Variants in ASIC2 observed in about 807,000 individuals in gnomAD.
The protein encoded by ASIC2 is acid-sensing ion channel 2.
Under a neutral mutation model 57.3 loss-of-function variants are expected in ASIC2, and 25 were observed. The ratio of observed to expected loss-of-function variants is 0.44; its 90% CI spans 0.32 to 0.61. The LOEUF (loss-of-function observed/expected upper bound fraction) is 0.61, where lower values mean the gene tolerates loss of function less well. Ranked by LOEUF, ASIC2 falls within the 20% of genes least tolerant of loss-of-function variation. ASIC2 has a pLI of 0.06. For synonymous variants in ASIC2, 319 were observed against 307.5 expected, an observed-to-expected ratio of 1.04 and a Z score of -0.39; for missense variants, 641 against 738.1, an observed-to-expected ratio of 0.87 and a Z score of 1.52.
At chr17:33,312,491 G>A (rs1003882231) in intron 1 of ASIC2, among the ~76,000 whole-genome samples, 7 of 152,208 alleles carry the variant, frequency 4.6e-5, no homozygotes, top group Non-Finnish European at 8.8e-5. Flanking sequence ...CATCAGAGAG[G>A]ACCCAGATGC....
chr17:33,593,706 T>C (rs1030393745), intron 1 of ASIC2, among the ~76,000 whole-genome samples: 6 of 152,218 alleles, frequency 3.9e-5, no homozygotes, highest in African/African-American at 1.4e-4. Context: ...GACTTTTGTG[T>C]AATTTGCACA....
At chr17:33,335,227 C>T (rs1374284383) in intron 1 of ASIC2, among the ~76,000 whole-genome samples, 5 of 152,188 alleles carry the variant, frequency 3.3e-5, no homozygotes, top group Admixed American at 3.3e-4. Flanking sequence ...GATATGCTCC[C>T]AGTCCACTGA....
chr17:33,852,796 T>C (rs1196852310), intron 1 of ASIC2, among the ~76,000 whole-genome samples: 1 of 152,134 alleles, frequency 6.6e-6, no homozygotes, highest in African/African-American at 2.4e-5. Context: ...GTCTTTCCCA[T>C]TGGCTCAGGA....
At chr17:33,743,138 G>T (rs547524882) in intron 1 of ASIC2, among the ~76,000 whole-genome samples, 1 of 152,288 alleles carries the variant, frequency 6.6e-6, no homozygotes, top group Admixed American at 6.5e-5. Context: ...GGCTCTGTTG[G>T]TCTACTTCTC....
At position 33,111,994 on chromosome 17, in the gene ASIC2, T is replaced by A. The variant is rs770761664; in HGVS notation, c.782A>T (p.Lys261Met). The A allele has an allele frequency of 8.1e-6, 13 of 1,613,988 alleles. No homozygotes were observed. Among genetic ancestry groups the A allele is most frequent in the Non-Finnish European group, 1.1e-5 (13 of 1,179,964 alleles). The change falls in exon 2 of 10, where the codon AAG becomes ATG. Residue 261 changes from lysine to methionine, a missense_variant. Coordinates refer to ENST00000225823, the MANE Select transcript of ASIC2 (RefSeq NM_183377.2). ...CTCCAGCCCGTTGCCTGTCCCCCCC[T>A]TGACCGTGGTGAGCAGAGGTTTGCC... ...EDGKPLLTTV[K>M]GGTGNGLEIM...
At chr17:33,450,637 A>G (rs2141989804) in intron 1 of ASIC2, among the ~76,000 whole-genome samples, 1 of 152,356 alleles carries the variant, frequency 6.6e-6, no homozygotes, top group South Asian at 2.1e-4. Context: ...GAGTTAAATT[A>G]GTTGAGATAG....
At chr17:33,974,091 T>G (rs1474845348) in intron 1 of ASIC2, among the ~76,000 whole-genome samples, 1 of 152,108 alleles carries the variant, frequency 6.6e-6, no homozygotes, top group Non-Finnish European at 1.5e-5. Context: ...AGCTGGGAAA[T>G]GGGACGATTC....
At chr17:33,452,882 C>A (rs1451191850) in intron 1 of ASIC2, among the ~76,000 whole-genome samples, 1 of 151,966 alleles carries the variant, frequency 6.6e-6, no homozygotes, top group African/African-American at 2.4e-5. Flanking sequence ...TTTGTCAAAG[C>A]CATCAGGCTC....
At chr17:33,756,470 A>C (rs1910607337) in intron 1 of ASIC2, among the ~76,000 whole-genome samples, 1 of 152,234 alleles carries the variant, frequency 6.6e-6, no homozygotes, top group Non-Finnish European at 1.5e-5. Context: ...TCAGAGCTCC[A>C]ACTCAATTTT....
At chr17:33,016,191 G>T in intron 8 of ASIC2, 152 bp from the exon 9 acceptor site, 1 of 664,146 alleles carries the variant, frequency 1.5e-6, no homozygotes, top group Non-Finnish European at 2.6e-6. Context: ...CCAGCTCCAG[G>T]TGCCTGTCTG....
chr17:33,453,780 C>T (rs1912351427), intron 1 of ASIC2, among the ~76,000 whole-genome samples: 1 of 152,142 alleles, frequency 6.6e-6, no homozygotes, highest in Non-Finnish European at 1.5e-5. Flanking sequence ...CTTTGTAATT[C>T]ATCTCTCTCC....
chr17:33,069,274 C>T (rs531011680), intron 3 of ASIC2, among the ~76,000 whole-genome samples: 5 of 152,086 alleles, frequency 3.3e-5, no homozygotes, highest in Non-Finnish European at 5.9e-5. Context: ...TCTTGGTAAG[C>T]GTGCTGTGTG....
At chr17:34,036,304 T>C (rs918898111) in intron 1 of ASIC2, among the ~76,000 whole-genome samples, 4 of 137,534 alleles carry the variant, frequency 2.9e-5, no homozygotes, top group Non-Finnish European at 4.5e-5. Flanking sequence ...TTCTCACTCA[T>C]AGATGGGAAT....
At chr17:33,146,128 T>A (rs1336386512) in intron 1 of ASIC2, among the ~76,000 whole-genome samples, 11 of 152,160 alleles carry the variant, frequency 7.2e-5, no homozygotes, top group East Asian at 1.9e-4. Context: ...ATGACAGAGA[T>A]GAGAACAGGA....
chr17:33,948,201 C>A (rs932272842), intron 1 of ASIC2, among the ~76,000 whole-genome samples: 8 of 152,216 alleles, frequency 5.3e-5, no homozygotes, highest in African/African-American at 1.4e-4. Context: ...AATCTATAAG[C>A]TGAATTTGAC....
At chr17:33,752,128 A>C (rs1238845378) in intron 1 of ASIC2, among the ~76,000 whole-genome samples, 1 of 152,234 alleles carries the variant, frequency 6.6e-6, no homozygotes, top group African/African-American at 2.4e-5. Context: ...AGACTGACCC[A>C]GGAACACATA....
chr17:33,845,286 A>T (rs1913548647), intron 1 of ASIC2, among the ~76,000 whole-genome samples: 2 of 152,226 alleles, frequency 1.3e-5, no homozygotes, highest in African/African-American at 4.8e-5. Context: ...CATCTCATGG[A>T]AACGTACCTC....
intron 1 of ASIC2, among the ~76,000 whole-genome samples, chr17:33,693,524 T>C (rs1908436078): frequency 6.6e-6 from 1 of 152,090 alleles, no homozygotes; most frequent in East Asian, 1.9e-4. Context: ...GCAGATGAAA[T>C]TGATACTAGG....
At chr17:33,771,618 G>A (rs1002094399) in intron 1 of ASIC2, among the ~76,000 whole-genome samples, 1 of 152,020 alleles carries the variant, frequency 6.6e-6, no homozygotes, top group Non-Finnish European at 1.5e-5. Flanking sequence ...TTCTGGCACA[G>A]GCCTGCAGGG....
Sources: allele counts gnomAD v4.1 joint callset (sites outside exome capture counted in the v4.1 genomes callset), GRCh38; gene constraint gnomAD v4.1.1; transcripts MANE v1.5; gene names NCBI Gene and HGNC (gene_info 2026-07-23, HGNC 2026-07-21).